The following KIF1C variants were observed in gnomAD, a reference collection of about 807,000 sequenced individuals.
The protein encoded by KIF1C is kinesin-like protein KIF1C.
In KIF1C, 61 loss-of-function variants were observed where a neutral mutation model predicts 126.5. That is an observed-to-expected ratio of 0.48 (90% CI 0.39 to 0.60). The LOEUF (loss-of-function observed/expected upper bound fraction) is 0.60. Ranked by LOEUF, KIF1C falls within the 20% of genes least tolerant of loss-of-function variation. KIF1C has a pLI of 0.00. For synonymous variants in KIF1C, 640 were observed against 580.6 expected, an observed-to-expected ratio of 1.10 and a Z score of -1.47; for missense variants, 1,315 against 1,489.2, an observed-to-expected ratio of 0.88 and a Z score of 1.93.
At position 5,015,289 on chromosome 17, in the gene KIF1C, C is replaced by CT. The variant is rs916293753; in HGVS notation, c.1666+462dup. Reference sequence around the variant, plus strand: ...TCTTTTTCTTTTTCTTTTTCTTTTTCTTTTTTTTTTGAGACGGAGTGTTCG... The same window carrying CT: ...TCTTTTTCTTTTTCTTTTTCTTTTTCTTTTTTTTTTTGAGACGGAGTGTTCG... On this transcript the variant is annotated intron_variant, in intron 18 of 22. Coordinates refer to ENST00000320785, the MANE Select transcript of KIF1C (RefSeq NM_006612.6). Among the ~76,000 whole-genome samples the CT allele has an allele frequency of 5.1e-3, 754 of 149,128 alleles. 4 individuals are homozygous for CT. Among genetic ancestry groups the CT allele is most frequent in the Middle Eastern group, 0.024 (7 of 288 alleles).
In KIF1C at chr17:5,024,412, C is replaced by T. The variant is rs1202322287; in HGVS notation, c.*261C>T. The T allele has an allele frequency of 4.9e-6, 2 of 406,572 alleles. No individual in the cohort carries two copies. Among genetic ancestry groups the T allele is most frequent in the Non-Finnish European group, 8.8e-6 (2 of 228,320 alleles). 25.2% of individuals were successfully genotyped at this position (406,572 alleles called of 1,614,324 possible). ...GCCACCCCTTGCAAAGGGGGTGTGT[C>T]CCACAAACGCTGCTATGGGTGGGGT... On this transcript the variant is annotated 3_prime_UTR_variant, in exon 23 of 23. Transcript: ENST00000320785.
chr17:5,023,797 G>A lies in KIF1C; in HGVS notation c.2958G>A (p.Gln986=), dbSNP rs779569884. ...GCTTCCCCTTCAAGAGCAACCCCCA[G>A]CACCGGGAGTCTTGGCCAGGGATGG... ...KLRFPFKSNP[Q]HRESWPGMGS... The change falls in exon 23 of 23, where the codon CAG becomes CAA. Residue 986 remains glutamine (Q), a synonymous_variant. Coordinates refer to ENST00000320785, the MANE Select transcript of KIF1C (RefSeq NM_006612.6). The surrounding 1 kb of genome is among the most constrained non-coding windows in gnomAD (Gnocchi z 4.2). 3 of 1,519,398 alleles carry A rather than the reference G, an allele frequency of 2.0e-6. No homozygotes were observed. The East Asian group carries it at 6.8e-5, about 35-fold the overall frequency. The allele number at this position is 1,519,398 out of a possible 1,614,324, so 94.1% of individuals were successfully genotyped here. A position where few individuals can be genotyped will look rare whatever the true frequency, so the allele number is the denominator to read the frequency against.
At position 5,000,587 on chromosome 17, in the gene KIF1C, C is replaced by T. The variant is rs879321063; in HGVS notation, c.107-185C>T. On this transcript the variant is annotated intron_variant, in intron 3 of 22. Coordinates refer to ENST00000320785, the MANE Select transcript of KIF1C (RefSeq NM_006612.6). ...ATCCAGGGAGGCAGCTCAGTGGGGG[C>T]GGGTCCTAGGAAGCCAAAATTAGCT... is the stretch of plus-strand genomic sequence containing the variant. 3.8e-5 allele frequency among the ~76,000 whole-genome samples: 5 copies of T among 130,008 alleles called. No individual in the cohort carries two copies. In the East Asian group the frequency reaches 6.4e-4, roughly 17 times the overall value. 85.3% of individuals were successfully genotyped at this position (130,008 alleles called of 152,430 possible).
At chr17:5,007,695 C>T (rs982628454) in intron 16 of KIF1C, among the ~76,000 whole-genome samples, 153 bp downstream of exon 16, 2 of 152,140 alleles carry the variant, frequency 1.3e-5, no homozygotes, top group East Asian at 1.9e-4. Flanking sequence ...CCTGCCACCT[C>T]CTCTCCGTCT....
In KIF1C at chr17:5,003,689, G is replaced by A. The variant is rs1478214603; in HGVS notation, c.798G>A (p.Lys266=). The change falls in exon 9 of 23, where the codon AAG becomes AAA. Residue 266 remains lysine (K), a splice_region_variant and synonymous_variant. Transcript: ENST00000320785. The part of the protein sequence containing the change: ...DSSGARGMRL[K]EGANINKSLT... ...CAGGGGCCCGGGGCATGCGCCTGAA[G>A]GTGAGGGGCCTTCAGAGGGTGGTTT... 4 of 1,613,300 alleles carry A rather than the reference G, an allele frequency of 2.5e-6. No homozygotes were observed. Among genetic ancestry groups the A allele is most frequent in the Non-Finnish European group, 3.4e-6 (4 of 1,179,502 alleles).
chr17:5,007,107 G>A, intron 14 of KIF1C, 23 bp downstream of exon 14: 1 of 1,583,362 alleles, frequency 6.3e-7, no homozygotes, highest in South Asian at 1.2e-5. Flanking sequence ...AGCTGGCAAG[G>A]GCTGGGGGTC....
rs1158420243 is a variant in KIF1C, at chr17:5,028,393, T to A, written c.*4242T>A. ...TTTGTATCTTGAATAAATTTGGGGA[T>A]CAAATACATTTTTTCTCCACCAGTC... is the stretch of plus-strand genomic sequence containing the variant. On this transcript the variant is annotated 3_prime_UTR_variant, in exon 23 of 23. Coordinates refer to ENST00000320785, the MANE Select transcript of KIF1C (RefSeq NM_006612.6). The A allele has an allele frequency of 3.9e-5, 6 of 152,230 alleles. No homozygotes were observed. In the East Asian group the frequency reaches 1.2e-3, roughly 29 times the overall value. The allele number at this position is 152,230 out of a possible 1,614,324, so 9.4% of individuals were successfully genotyped here. A position where few individuals can be genotyped will look rare whatever the true frequency, so the allele number is the denominator to read the frequency against.
chr17:5,010,668 A>G (rs1974843117), intron 16 of KIF1C, among the ~76,000 whole-genome samples: 1 of 149,822 alleles, frequency 6.7e-6, no homozygotes, highest in Non-Finnish European at 1.5e-5. Flanking sequence ...AATGGCGTGA[A>G]CCCGGGAGGC....
In KIF1C at chr17:5,028,401, A is replaced by G. The variant is rs886239399; in HGVS notation, c.*4250A>G. The G allele has an allele frequency of 4.0e-5, 6 of 150,656 alleles. No homozygotes were observed. Among genetic ancestry groups the G allele is most frequent in the African/African-American group, 1.5e-4 (6 of 40,880 alleles). 9.3% of individuals were successfully genotyped at this position (150,656 alleles called of 1,614,324 possible). A position where few individuals can be genotyped will look rare whatever the true frequency, so the allele number is the denominator to read the frequency against. On this transcript the variant is annotated 3_prime_UTR_variant, in exon 23 of 23. Coordinates refer to ENST00000320785, the MANE Select transcript of KIF1C (RefSeq NM_006612.6). ...TTGAATAAATTTGGGGATCAAATAC[A>G]TTTTTTCTCCACCAGTCTTATTTAT... is the stretch of plus-strand genomic sequence containing the variant.
At chr17:5,014,105 A>G in intron 17 of KIF1C, 1 of 221,096 alleles carries the variant, frequency 4.5e-6, no homozygotes, top group Non-Finnish European at 8.9e-6. Flanking sequence ...CTGGGCAGCT[A>G]AGGGCATGTG....
intron 18 of KIF1C, chr17:5,019,674 C>A: frequency 3.0e-6 from 1 of 336,590 alleles, no homozygotes; most frequent in Non-Finnish European, 5.9e-6. Flanking sequence ...AATGACAGGG[C>A]CTCTGAGCAG....
At chr17:5,019,144 T>C (rs138019464) in intron 18 of KIF1C, 3 of 167,222 alleles carry the variant, frequency 1.8e-5, no homozygotes, top group African/African-American at 7.2e-5. Context: ...CTGCCTGATA[T>C]TATAGTTCAT....
intron 16 of KIF1C, among the ~76,000 whole-genome samples, chr17:5,009,607 T>C (rs894903711): frequency 2.0e-5 from 3 of 151,382 alleles, no homozygotes; most frequent in African/African-American, 7.3e-5. Flanking sequence ...GCTAACACAG[T>C]GAAACCCCGT....
rs1318890209 is a variant in KIF1C at position 5,024,442 on chromosome 17, G to A, written c.*291G>A. The A allele has an allele frequency of 2.7e-6, 1 of 376,952 alleles. No homozygotes were observed. Among genetic ancestry groups the A allele is most frequent in the African/African-American group, 2.1e-5 (1 of 48,010 alleles). The allele number at this position is 376,952 out of a possible 1,614,324, so 23.4% of individuals were successfully genotyped here. A position where few individuals can be genotyped will look rare whatever the true frequency, so the allele number is the denominator to read the frequency against. ...AAACGCTGCTATGGGTGGGGTGGGG[G>A]GCTGGGGTGCTGCGTAGCCAGTGTT... On this transcript the variant is annotated 3_prime_UTR_variant, in exon 23 of 23. Coordinates refer to ENST00000320785, the MANE Select transcript of KIF1C (RefSeq NM_006612.6).
At chr17:5,021,970 C>T (rs910467522) in intron 21 of KIF1C, 122 bp from the exon 22 acceptor site, 1 of 1,093,252 alleles carries the variant, frequency 9.1e-7, no homozygotes, top group African/African-American at 1.6e-5. Context: ...TGGGGTGGAG[C>T]AGGACTTGAA....
rs982888800 is a variant in KIF1C, at chr17:4,998,126, C to G, written c.-179C>G. 1 of 152,238 alleles carries G rather than the reference C, an allele frequency of 6.6e-6. No homozygotes were observed. Among genetic ancestry groups the G allele is most frequent in the Non-Finnish European group, 1.5e-5 (1 of 68,144 alleles). The allele number at this position is 152,238 out of a possible 1,614,324, so 9.4% of individuals were successfully genotyped here. On this transcript the variant is annotated 5_prime_UTR_variant, in exon 1 of 23. Coordinates refer to ENST00000320785, the MANE Select transcript of KIF1C (RefSeq NM_006612.6). ...TCCCGGAAAGCTTGTCCCTCTCCGC[C>G]GAGCTGCTCCGGGAGCCCCGCCGCG...
At chr17:5,008,812 AAG>A (rs751831801) in intron 16 of KIF1C, among the ~76,000 whole-genome samples, 22 of 152,168 alleles carry the variant, frequency 1.4e-4, no homozygotes, top group Admixed American at 5.2e-4. Context: ...CCTAGGTGGA[AAG>A]AGGGGCTACG....
chr17:5,002,010 G>A (rs760373860), intron 5 of KIF1C, 49 bp from the exon 6 acceptor site: 1 of 1,555,044 alleles, frequency 6.4e-7, no homozygotes, highest in Non-Finnish European at 8.9e-7. Flanking sequence ...GACACTTTAG[G>A]TGTGCCCTGA....
intron 5 of KIF1C, among the ~76,000 whole-genome samples, chr17:5,001,856 T>A (rs905781503): frequency 1.3e-5 from 2 of 152,246 alleles, no homozygotes; most frequent in Non-Finnish European, 2.9e-5. Context: ...GCACCCTGGC[T>A]GGCTGAACGG....
Sources: gnomAD v4.1 joint callset for allele counts (sites outside exome capture counted in the v4.1 genomes callset) on GRCh38, gnomAD v4.1.1 for gene constraint, Gnocchi (gnomAD v3.1) non-coding constraint, MANE v1.5 for transcripts, NCBI Gene and HGNC (gene_info 2026-07-23, HGNC 2026-07-21) for gene names.